CEP290: variants seen among roughly 807,000 people sequenced by gnomAD.
CEP290 encodes the protein centrosomal protein 290.
Under a neutral mutation model 344.9 loss-of-function variants are expected in CEP290, and 317 were observed. The observed-to-expected ratio is 0.92, with a 90% CI of 0.84 to 1.01. The LOEUF (loss-of-function observed/expected upper bound fraction) is 1.01, where lower values mean the gene tolerates loss of function less well. Ranked by LOEUF, CEP290 falls within the 50% of genes least tolerant of loss-of-function variation. CEP290 has a pLI of 0.00. For missense variants in CEP290, 2,754 were observed against 2,761.4 expected (o/e 1.00, Z 0.06); for synonymous variants, 932 against 895.8 (o/e 1.04, Z -0.72).
At chr12:88,090,694 G>T in intron 30 of CEP290, 34 bp downstream of exon 30, 1 of 1,264,750 alleles carries the variant, frequency 7.9e-7, no homozygotes, top group East Asian at 2.6e-5. Context: ...GGAAAAAAGT[G>T]GATTCTATGT....
intron 46 of CEP290, among the ~76,000 whole-genome samples, chr12:88,061,397 G>A (rs1592745768): frequency 6.6e-6 from 1 of 152,006 alleles, no homozygotes; most frequent in Non-Finnish European, 1.5e-5. Context: ...AATTTTAATT[G>A]CAACATAATA....
chr12:88,098,581 G>A (rs931175127), intron 26 of CEP290, among the ~76,000 whole-genome samples: 5 of 151,306 alleles, frequency 3.3e-5, no homozygotes, highest in South Asian at 4.2e-4. Flanking sequence ...AACTGCACTC[G>A]AGCCTGGGCA....
chr12:88,118,382 C>G, intron 17 of CEP290, 101 bp downstream of exon 17: 1 of 902,554 alleles, frequency 1.1e-6, no homozygotes, highest in Non-Finnish European at 1.7e-6. Context: ...GTAGCAGATC[C>G]ACAATAGAAC....
At chr12:88,106,970 A>G in intron 24 of CEP290, 26 bp downstream of exon 24, 1 of 1,534,920 alleles carries the variant, frequency 6.5e-7, no homozygotes, top group Admixed American at 2.0e-5. Context: ...AATATTGCAT[A>G]CTAATGTTAA....
Position 88,071,923 on chromosome 12 carries a change from C to A in CEP290, c.5713G>T (p.Ala1905Ser), listed in dbSNP as rs1331294904. The A allele has an allele frequency of 8.9e-6, 14 of 1,581,346 alleles. No homozygotes were observed. Among genetic ancestry groups the A allele is most frequent in the South Asian group, 1.2e-5 (1 of 83,272 alleles). The change falls in exon 42 of 54, where the codon GCT becomes TCT. Residue 1905 changes from alanine to serine, a missense_variant. Physicochemically the swap from Ala to Ser is moderately conservative, Grantham distance 99. Coordinates refer to ENST00000552810, the MANE Select transcript of CEP290 (RefSeq NM_025114.4). Reference protein sequence around the residue: ...VDLKPMKEKNAKEELIRWEEG... With the variant: ...VDLKPMKEKNSKEELIRWEEG... ...TCCCACCTAATTAATTCTTCTTTAG[C>A]ATTCTGTAACAATAACGAAGGAGGT...
intron 41 of CEP290, among the ~76,000 whole-genome samples, chr12:88,074,153 A>G (rs1017359364): frequency 2.0e-5 from 3 of 152,122 alleles, no homozygotes; most frequent in Non-Finnish European, 2.9e-5. Context: ...TGAACCCAGG[A>G]GGCGGAGGTT....
At chr12:88,113,063 AT>A (rs2038806902) in intron 20 of CEP290, among the ~76,000 whole-genome samples, 1 of 152,112 alleles carries the variant, frequency 6.6e-6, no homozygotes, top group African/African-American at 2.4e-5. Flanking sequence ...TTGCTAGGTG[AT>A]TTGTGAATTT....
chr12:88,130,131 T>C (rs2039975373), intron 9 of CEP290, 137 bp downstream of exon 9: 1 of 997,434 alleles, frequency 1.0e-6, no homozygotes, highest in African/African-American at 1.7e-5. Flanking sequence ...AGATGTAATT[T>C]ATTTCACATT....
Position 88,068,566 on chromosome 12 carries a change from C to T in CEP290, c.6091G>A (p.Ala2031Thr). 2 of 1,585,150 alleles carry T rather than the reference C, an allele frequency of 1.3e-6. No individual in the cohort carries two copies. Among genetic ancestry groups the T allele is most frequent in the Non-Finnish European group, 1.7e-6 (2 of 1,166,962 alleles). ...QNRYLQEKLH[A>T]LEKQFSKDTY... ...TCCTTTGAAAACTGTTTTTCTAAAG[C>T]ATGAAGTTTTTCTTGGAGGTATCTA... The change falls in exon 44 of 54, where the codon GCT (alanine) becomes ACT (threonine). Residue 2031 changes from alanine to threonine, a missense_variant. Physicochemically the swap from Ala to Thr is moderately conservative, Grantham distance 58. Coordinates refer to ENST00000552810, the MANE Select transcript of CEP290 (RefSeq NM_025114.4).
At chr12:88,080,099 C>G in intron 38 of CEP290, 83 bp downstream of exon 38, 1 of 909,268 alleles carries the variant, frequency 1.1e-6, no homozygotes. Context: ...ATACTACCAT[C>G]TTTTATAAAT....
intron 21 of CEP290, 131 bp downstream of exon 21, chr12:88,111,563 G>A: frequency 2.3e-6 from 2 of 866,210 alleles, no homozygotes; most frequent in Middle Eastern, 6.8e-4. Flanking sequence ...GAGAAATCCA[G>A]TTTCTTAATA....
In CEP290 at chr12:88,049,291, C is replaced by T. The variant is rs756042946; in HGVS notation, c.7333G>A (p.Val2445Ile). 4.0e-5 allele frequency: 65 copies of T among 1,605,522 alleles called. No individual in the cohort carries two copies. The highest frequency in any genetic ancestry group is 1.3e-4 in the East Asian group (6 of 44,694). ...VKKNILLEEK[V>I]KKLSEQLGVE... ...CCCAATTGTTCTGAAAGTTTTTTTACCTTCTCTTCTAAGAGAATATTCTTC... is the reference window on the plus strand; with the variant it reads ...CCCAATTGTTCTGAAAGTTTTTTTATCTTCTCTTCTAAGAGAATATTCTTC... The change falls in exon 54 of 54, where the codon GTA (valine) becomes ATA (isoleucine). Residue 2445 changes from valine to isoleucine, a missense_variant. Physicochemically the swap from Val to Ile is conservative, Grantham distance 29. Coordinates refer to ENST00000552810, the MANE Select transcript of CEP290 (RefSeq NM_025114.4).
At chr12:88,051,793 T>C (rs926602148) in intron 52 of CEP290, 2 of 152,176 alleles carry the variant, frequency 1.3e-5, no homozygotes, top group Non-Finnish European at 2.9e-5. Flanking sequence ...AGGAAAATTA[T>C]AAAATTTTCC....
At position 88,107,084 on chromosome 12, in the gene CEP290, C is replaced by A; in HGVS notation, c.2498G>T (p.Trp833Leu). The A allele has an allele frequency of 6.5e-7, 1 of 1,541,328 alleles. No individual in the cohort carries two copies. ...YKEYLSEKET[W>L]KTESKTIKEE... ...TTTTATTGTTTTAGATTCTGTTTTC[C>A]AGGTCTCCTTTTCACTAAAAACAAA... is the stretch of plus-strand genomic sequence containing the variant. The change falls in exon 24 of 54, where the codon TGG becomes TTG. Residue 833 changes from tryptophan (W) to leucine (L), a missense_variant. Trp to Leu is a moderately conservative substitution (Grantham distance 61). Coordinates refer to ENST00000552810, the MANE Select transcript of CEP290 (RefSeq NM_025114.4).
intron 23 of CEP290, among the ~76,000 whole-genome samples, chr12:88,108,142 T>G (rs1389302171): frequency 6.6e-6 from 1 of 152,138 alleles, no homozygotes; most frequent in African/African-American, 2.4e-5. Context: ...TTTTTGAAGT[T>G]GTGTAAGACA....
At chr12:88,130,872 A>T (rs572096331) in intron 7 of CEP290, among the ~76,000 whole-genome samples, 2 of 152,256 alleles carry the variant, frequency 1.3e-5, no homozygotes, top group East Asian at 3.9e-4. Flanking sequence ...GGGTAAGAGA[A>T]ATAAGAATAG....
Position 88,120,246 on chromosome 12 carries a change from C to A in CEP290, c.1390G>T (p.Glu464Ter), listed in dbSNP as rs1437841365. 1 of 1,471,568 alleles carries A rather than the reference C, an allele frequency of 6.8e-7. No individual in the cohort carries two copies. Among genetic ancestry groups the A allele is most frequent in the Admixed American group, 2.2e-5 (1 of 46,188 alleles). 91.2% of individuals were successfully genotyped at this position (1,471,568 alleles called of 1,614,324 possible). Reference sequence around the variant, plus strand: ...ATTTGGTTTTTACAATTCTTTATTTCAACGACAGCATCTTCTAAACCATAT... The same window carrying A: ...ATTTGGTTTTTACAATTCTTTATTTAAACGACAGCATCTTCTAAACCATAT... ...GVYGLEDAVVEIKNCKNQIKI... is the reference protein window; with the variant it reads ...GVYGLEDAVV The change falls in exon 15 of 54, where the codon GAA (glutamate) becomes TAA (stop). Residue 464 changes from glutamate to a stop codon, truncating the protein, a stop_gained. Coordinates refer to ENST00000552810, the MANE Select transcript of CEP290 (RefSeq NM_025114.4). LOFTEE classifies it high-confidence loss of function.
Position 88,139,490 on chromosome 12 carries a change from C to G in CEP290, c.250+5G>C. 6.3e-7 allele frequency: 1 copy of G among 1,595,742 alleles called. No individual in the cohort carries two copies. The highest frequency in any genetic ancestry group is 8.5e-7 in the Non-Finnish European group (1 of 1,171,648). On this transcript the variant is annotated splice_donor_5th_base_variant and intron_variant, in intron 4 of 53. Coordinates refer to ENST00000552810, the MANE Select transcript of CEP290 (RefSeq NM_025114.4). Reference sequence around the variant, plus strand: ...ACCATAATAAACTTTTTCCAAGGTGCTTACCAAATTTTGCTTGTTCTTCTC... The same window carrying G: ...ACCATAATAAACTTTTTCCAAGGTGGTTACCAAATTTTGCTTGTTCTTCTC...
intron 25 of CEP290, 42 bp from the exon 26 acceptor site, chr12:88,103,053 T>C: frequency 7.3e-7 from 1 of 1,367,726 alleles, no homozygotes. Flanking sequence ...GGTGTCTTTT[T>C]TTCTGGTCAA....
Sources: allele counts gnomAD v4.1 joint callset (sites outside exome capture counted in the v4.1 genomes callset), GRCh38; gene constraint gnomAD v4.1.1; transcripts MANE v1.5; gene names NCBI Gene and HGNC (gene_info 2026-07-23, HGNC 2026-07-21).